MAP4K5: variants seen among roughly 807,000 people sequenced by gnomAD.
The protein encoded by MAP4K5 is MAPK/ERK kinase kinase kinase 5.
In MAP4K5, 82 loss-of-function variants were observed where a neutral mutation model predicts 135.6. The observed-to-expected ratio is 0.60, with a 90% CI of 0.51 to 0.73. The LOEUF is 0.73. Ranked by LOEUF, MAP4K5 falls within the 30% of genes least tolerant of loss-of-function variation. MAP4K5 has a pLI of 0.00. For synonymous variants in MAP4K5, 347 were observed against 335.0 expected (o/e 1.04, Z -0.39); for missense variants, 907 against 1,010.9 (o/e 0.90, Z 1.39).
chr14:50,554,704 T>C (rs970748692), intron 1 of MAP4K5, among the ~76,000 whole-genome samples: 1 of 152,126 alleles, frequency 6.6e-6, no homozygotes, highest in Non-Finnish European at 1.5e-5. Context: ...TACAGAAAAT[T>C]TGTTTAAAAG....
At chr14:50,481,963 C>T (rs776132867) in intron 6 of MAP4K5, among the ~76,000 whole-genome samples, 7 of 152,112 alleles carry the variant, frequency 4.6e-5, no homozygotes, top group Non-Finnish European at 8.8e-5. Flanking sequence ...CCTTTTACTG[C>T]CATAAACTTG....
chr14:50,432,279 A>G (rs1206028069), intron 28 of MAP4K5, among the ~76,000 whole-genome samples: 1 of 152,224 alleles, frequency 6.6e-6, no homozygotes. Flanking sequence ...TAGGAGTTGG[A>G]TTAACAAATC....
At chr14:50,505,448 A>T (rs1340792365) in intron 2 of MAP4K5, among the ~76,000 whole-genome samples, 1 of 152,160 alleles carries the variant, frequency 6.6e-6, no homozygotes, top group Non-Finnish European at 1.5e-5. Context: ...CAAGTTATAA[A>T]AATAGGGATA....
chr14:50,463,463 T>C (rs1056402599), intron 12 of MAP4K5, among the ~76,000 whole-genome samples: 4 of 152,228 alleles, frequency 2.6e-5, no homozygotes, highest in Non-Finnish European at 5.9e-5. Flanking sequence ...TTATTGAGTA[T>C]TAAAACTATA....
chr14:50,505,441 G>A (rs1349569579), intron 2 of MAP4K5, among the ~76,000 whole-genome samples: 1 of 152,054 alleles, frequency 6.6e-6, no homozygotes, highest in African/African-American at 2.4e-5. Flanking sequence ...TTATTTTCAA[G>A]TTATAAAAAT....
chr14:50,515,294 T>C (rs2038013273), intron 2 of MAP4K5, among the ~76,000 whole-genome samples: 1 of 152,178 alleles, frequency 6.6e-6, no homozygotes, highest in Non-Finnish European at 1.5e-5. Flanking sequence ...GTGACTTCAA[T>C]ATCCGGAACT....
At chr14:50,448,923 AG>A in intron 14 of MAP4K5, 91 bp from the exon 15 acceptor site, 2 of 576,712 alleles carry the variant, frequency 3.5e-6, no homozygotes, top group Non-Finnish European at 3.1e-6. Flanking sequence ...GGGGTGGGGG[AG>A]GGAGAAAGAA....
At chr14:50,444,090 G>T in intron 18 of MAP4K5, 54 bp from the exon 19 acceptor site, 1 of 1,214,296 alleles carries the variant, frequency 8.2e-7, no homozygotes. Context: ...CACTTTCCTT[G>T]AAAAATTATT....
intron 5 of MAP4K5, among the ~76,000 whole-genome samples, chr14:50,483,374 G>A (rs2037294493): frequency 6.6e-6 from 1 of 152,070 alleles, no homozygotes; most frequent in Admixed American, 6.5e-5. Flanking sequence ...CTCTGGGGTG[G>A]TATCTGCTGA....
chr14:50,508,024 G>A (rs1470048431), intron 2 of MAP4K5, among the ~76,000 whole-genome samples: 3 of 152,086 alleles, frequency 2.0e-5, no homozygotes, highest in Non-Finnish European at 4.4e-5. Context: ...TCATGAATCT[G>A]GGTGTTCTGT....
intron 3 of MAP4K5, among the ~76,000 whole-genome samples, chr14:50,496,499 T>TAA (rs1394683667): frequency 2.0e-5 from 3 of 151,942 alleles, no homozygotes; most frequent in African/African-American, 7.3e-5. Context: ...CATATATTAT[T>TAA]ATATATATAT....
intron 10 of MAP4K5, 35 bp downstream of exon 10, chr14:50,468,616 A>T (rs771459053): frequency 1.4e-5 from 22 of 1,605,654 alleles, no homozygotes; most frequent in Admixed American, 3.4e-5. Flanking sequence ...CATAGACTTG[A>T]TCAATAACTG....
At chr14:50,540,936 G>C (rs1053366501) in intron 2 of MAP4K5, among the ~76,000 whole-genome samples, 3 of 152,118 alleles carry the variant, frequency 2.0e-5, no homozygotes, top group Admixed American at 6.5e-5. Flanking sequence ...ACTCCTCTTG[G>C]CTTGTGCAAT....
intron 3 of MAP4K5, among the ~76,000 whole-genome samples, chr14:50,501,368 TG>T (rs1409516132): frequency 6.6e-6 from 1 of 152,054 alleles, no homozygotes; most frequent in Non-Finnish European, 1.5e-5. Context: ...ACTACAGAAT[TG>T]TATCTTACAA....
chr14:50,496,786 A>C (rs2037604090), intron 3 of MAP4K5, among the ~76,000 whole-genome samples: 1 of 151,994 alleles, frequency 6.6e-6, no homozygotes, highest in Non-Finnish European at 1.5e-5. Flanking sequence ...CTGAGACTAC[A>C]ACAGGTGTGA....
intron 3 of MAP4K5, among the ~76,000 whole-genome samples, chr14:50,500,127 A>G (rs1446772884): frequency 6.6e-6 from 1 of 152,240 alleles, no homozygotes; most frequent in Non-Finnish European, 1.5e-5. Context: ...TATTTATTGC[A>G]GTGTCCGTTA....
Position 50,418,843 on chromosome 14 carries a change from C to T in MAP4K5, c.*1176G>A, listed in dbSNP as rs2035660981. On this transcript the variant is annotated 3_prime_UTR_variant, in exon 33 of 33. Coordinates refer to ENST00000682126, the MANE Select transcript of MAP4K5 (RefSeq NM_006575.6). Reference sequence around the variant, plus strand: ...TAAGACAACAGGTACCAATGTAACACTTTAATTTTGAATATTAACAATAGC... The same window carrying T: ...TAAGACAACAGGTACCAATGTAACATTTTAATTTTGAATATTAACAATAGC... 1 of 152,172 alleles carries T rather than the reference C, an allele frequency of 6.6e-6. No individual in the cohort carries two copies. The highest frequency in any genetic ancestry group is 1.5e-5 in the Non-Finnish European group (1 of 68,002). 9.4% of individuals were successfully genotyped at this position (152,172 alleles called of 1,614,324 possible). A position where few individuals can be genotyped will look rare whatever the true frequency, so the allele number is the denominator to read the frequency against.
At chr14:50,541,806 G>A (rs891656659) in intron 2 of MAP4K5, among the ~76,000 whole-genome samples, 2 of 151,634 alleles carry the variant, frequency 1.3e-5, no homozygotes, top group Non-Finnish European at 2.9e-5. Context: ...GGATCACGAG[G>A]TCAGGAGATT....
rs752078936 is a variant in MAP4K5 at position 50,438,102 on chromosome 14, G to A, written c.1706-8C>T. ...AGAAAACGTAATTACCTTCTAAAAC[G>A]AGAGTCCAGTAATGTTCAAAAAGCC... On this transcript the variant is annotated splice_polypyrimidine_tract_variant and splice_region_variant and intron_variant, in intron 23 of 32. Transcript: ENST00000682126. 17 of 798,994 alleles carry A rather than the reference G, an allele frequency of 2.1e-5. No homozygotes were observed. Among genetic ancestry groups the A allele is most frequent in the African/African-American group, 6.8e-5 (4 of 59,164 alleles). The allele number at this position is 798,994 out of a possible 1,614,324, so 49.5% of individuals were successfully genotyped here.
Sources: gnomAD v4.1 joint callset for allele counts (sites outside exome capture counted in the v4.1 genomes callset) on GRCh38, gnomAD v4.1.1 for gene constraint, MANE v1.5 for transcripts, NCBI Gene and HGNC (gene_info 2026-07-23, HGNC 2026-07-21) for gene names.